The following SEC62 variants were observed in gnomAD, a reference collection of about 807,000 sequenced individuals.
SEC62 encodes SEC62 preprotein translocation factor.
SEC62 carries 10 observed loss-of-function variants against 47.5 expected under a neutral mutation model. That is an observed-to-expected ratio of 0.21 (90% CI 0.13 to 0.36). The LOEUF is 0.36. Among genes scored for constraint, SEC62 ranks in the 10% least tolerant of loss-of-function variants. The probability of loss-of-function intolerance (pLI) is 1.00; values close to 1 mark genes in which losing one functional copy is unlikely to be tolerated. For missense variants in SEC62, 327 were observed against 464.1 expected (o/e 0.70, Z 2.71); for synonymous variants, 136 against 150.5 (o/e 0.90, Z 0.71).
chr3:169,975,999 AAG>A (rs1197702433), intron 2 of SEC62, among the ~76,000 whole-genome samples: 5 of 152,232 alleles, frequency 3.3e-5, no homozygotes, highest in Non-Finnish European at 7.3e-5. Context: ...ACTTGGAACT[AAG>A]AGCACTGGCT....
chr3:169,969,246 A>T (rs1258533120), intron 1 of SEC62: 2 of 327,630 alleles, frequency 6.1e-6, no homozygotes, highest in Middle Eastern at 4.1e-4. Context: ...GTTCAGGGTT[A>T]AAAAAAAAAG....
chr3:169,992,648 T>C lies in SEC62; in HGVS notation c.785T>C (p.Phe262Ser). 6.2e-7 allele frequency: 1 copy of C among 1,614,164 alleles called. No individual in the cohort carries two copies. The highest frequency in any genetic ancestry group is 8.5e-7 in the Non-Finnish European group (1 of 1,180,024). ...CTCATAACTGGAGGAAGGCACCACT[T>C]TTGGTTCTTGCCAAATCTGACTGCT... ...IWLITGGRHH[F>S]WFLPNLTADV... Residue 262 changes from phenylalanine to serine, a missense_variant, in exon 8 of 8, where the codon TTT becomes TCT. Physicochemically the swap from Phe to Ser is radical, Grantham distance 155. Coordinates refer to ENST00000337002, the MANE Select transcript of SEC62 (RefSeq NM_003262.4). The surrounding 1 kb of genome is among the most constrained non-coding windows in gnomAD (Gnocchi z 4.0).
At chr3:169,985,721 A>G (rs1715089088) in intron 5 of SEC62, 84 bp from the exon 6 acceptor site, 2 of 1,047,466 alleles carry the variant, frequency 1.9e-6, no homozygotes, top group Non-Finnish European at 2.8e-6. Flanking sequence ...TGACTGCTTT[A>G]AGGGACCTAA....
intron 3 of SEC62, among the ~76,000 whole-genome samples, chr3:169,978,172 G>A (rs918626589): frequency 2.3e-4 from 35 of 152,014 alleles, no homozygotes; most frequent in African/African-American, 7.0e-4. Flanking sequence ...CCAGCTACTC[G>A]GGAGGCTGAG....
At chr3:169,981,301 C>A (rs1410832950) in intron 3 of SEC62, among the ~76,000 whole-genome samples, 1 of 152,194 alleles carries the variant, frequency 6.6e-6, no homozygotes, top group Non-Finnish European at 1.5e-5. Flanking sequence ...TGGAAGTGCT[C>A]ATAGGCTGGA....
At chr3:169,991,935 T>C (rs916798686) in intron 7 of SEC62, among the ~76,000 whole-genome samples, 2 of 152,340 alleles carry the variant, frequency 1.3e-5, no homozygotes, top group Non-Finnish European at 2.9e-5. Flanking sequence ...TTTATACAGA[T>C]GTACAGAAAA....
intron 1 of SEC62, chr3:169,968,252 T>G (rs1714605714): frequency 2.0e-5 from 3 of 152,344 alleles, no homozygotes; most frequent in African/African-American, 7.2e-5. Flanking sequence ...GATTTACACT[T>G]GACAGTACAA....
At chr3:169,969,743 A>G (rs1714648536) in intron 1 of SEC62, among the ~76,000 whole-genome samples, 1 of 152,218 alleles carries the variant, frequency 6.6e-6, no homozygotes, top group African/African-American at 2.4e-5. Flanking sequence ...TTGCTTTGAA[A>G]TACTTTAATC....
chr3:169,987,483 C>T (rs1467654441), intron 6 of SEC62, among the ~76,000 whole-genome samples: 2 of 152,066 alleles, frequency 1.3e-5, no homozygotes, highest in Non-Finnish European at 2.9e-5. Context: ...AGATATTTTG[C>T]GTACAATATA....
At chr3:169,969,804 T>C (rs906405207) in intron 1 of SEC62, among the ~76,000 whole-genome samples, 23 of 152,254 alleles carry the variant, frequency 1.5e-4, no homozygotes, top group Non-Finnish European at 2.2e-4. Context: ...ACATGACTTG[T>C]CCTTGCTAAA....
Position 169,992,867 on chromosome 3 carries a change from C to G in SEC62, c.1004C>G (p.Ser335Trp), listed in dbSNP as rs779259601. The part of the protein sequence containing the change: ...VGPGNHGTEG[S>W]GGERHSDTDS... Reference sequence around the variant, plus strand: ...CCAGGAAATCATGGAACAGAAGGCTCGGGGGGAGAACGGCATTCAGACACG... The same window carrying G: ...CCAGGAAATCATGGAACAGAAGGCTGGGGGGGAGAACGGCATTCAGACACG... The change falls in exon 8 of 8, where the codon TCG becomes TGG. Residue 335 changes from serine to tryptophan, a missense_variant. By Grantham distance (177) the Ser-to-Trp change is radical. Transcript: ENST00000337002. The surrounding 1 kb of genome is among the most constrained non-coding windows in gnomAD (Gnocchi z 4.0). 7 of 1,613,684 alleles carry G rather than the reference C, an allele frequency of 4.3e-6. No homozygotes were observed. Among genetic ancestry groups the G allele is most frequent in the Non-Finnish European group, 5.9e-6 (7 of 1,179,966 alleles).
At position 169,994,263 on chromosome 3, in the gene SEC62, ACT is replaced by A. The variant is rs1715319133; in HGVS notation, c.*1203_*1204del. 6.6e-6 allele frequency: 1 copy of A among 152,516 alleles called. No individual in the cohort carries two copies. Among genetic ancestry groups the A allele is most frequent in the Non-Finnish European group, 1.5e-5 (1 of 68,010 alleles). 9.4% of individuals were successfully genotyped at this position (152,516 alleles called of 1,614,324 possible). On this transcript the variant is annotated 3_prime_UTR_variant, in exon 8 of 8. Coordinates refer to ENST00000337002, the MANE Select transcript of SEC62 (RefSeq NM_003262.4). ...ACATCTTAGTTACAAGTCTTTGGAA[ACT>A]CTTGTTTACTTATGAGCATAATCAT... is the stretch of plus-strand genomic sequence containing the variant.
At chr3:169,969,722 TA>T (rs1036305987) in intron 1 of SEC62, among the ~76,000 whole-genome samples, 9 of 152,204 alleles carry the variant, frequency 5.9e-5, no homozygotes, top group Non-Finnish European at 1.2e-4. Context: ...TCACAATAGA[TA>T]AAAAATAAGT....
At position 169,983,272 on chromosome 3, in the gene SEC62, CTA is replaced by C. The variant is rs1715024637; in HGVS notation, c.549+20_549+21del. The C allele has an allele frequency of 1.3e-6, 2 of 1,548,038 alleles. No individual in the cohort carries two copies. The highest frequency in any genetic ancestry group is 1.8e-6 in the Non-Finnish European group (2 of 1,138,928). Reference sequence around the variant, plus strand: ...AAATGAGGTGAGAGTAAGCCTATAACTAGAAGTTCAGTTTTCTATAGGAGTTT... The same window carrying C: ...AAATGAGGTGAGAGTAAGCCTATAACGAAGTTCAGTTTTCTATAGGAGTTT... On this transcript the variant is annotated intron_variant, in intron 5 of 7. Transcript: ENST00000337002.
Position 169,996,278 on chromosome 3 carries a change from T to A in SEC62, c.*3215T>A, listed in dbSNP as rs776177847. The A allele has an allele frequency of 4.6e-5, 7 of 152,646 alleles. No homozygotes were observed. Among genetic ancestry groups the A allele is most frequent in the Non-Finnish European group, 1.0e-4 (7 of 68,028 alleles). 9.5% of individuals were successfully genotyped at this position (152,646 alleles called of 1,614,324 possible). A position where few individuals can be genotyped will look rare whatever the true frequency, so the allele number is the denominator to read the frequency against. ...TTATTGCTGAATCATGCTCCAGTAT[T>A]TGAGTGATGTTTTAAATATCCTATG... On this transcript the variant is annotated 3_prime_UTR_variant, in exon 8 of 8. Transcript: ENST00000337002.
chr3:169,989,952 T>C, intron 7 of SEC62, among the ~76,000 whole-genome samples: 1 of 148,226 alleles, frequency 6.7e-6, no homozygotes, highest in South Asian at 2.1e-4. Flanking sequence ...TCGCATATAA[T>C]ATATATCATG....
At chr3:169,968,748 T>C (rs1714618462) in intron 1 of SEC62, among the ~76,000 whole-genome samples, 1 of 152,214 alleles carries the variant, frequency 6.6e-6, no homozygotes, top group African/African-American at 2.4e-5. Flanking sequence ...TTAACAACCC[T>C]CTATTCAGTA....
intron 6 of SEC62, among the ~76,000 whole-genome samples, chr3:169,987,893 C>T (rs1559967362): frequency 6.6e-6 from 1 of 152,100 alleles, no homozygotes; most frequent in Non-Finnish European, 1.5e-5. Context: ...AGCTCCCTTA[C>T]TTAGTAGGCA....
At chr3:169,978,376 A>C (rs1273750819) in intron 3 of SEC62, among the ~76,000 whole-genome samples, 25 of 152,172 alleles carry the variant, frequency 1.6e-4, no homozygotes, top group Admixed American at 1.6e-3. Context: ...TATCCAGGGC[A>C]ACTTGAATCT....
Sources: gnomAD v4.1 joint callset for allele counts (sites outside exome capture counted in the v4.1 genomes callset) on GRCh38, gnomAD v4.1.1 for gene constraint, Gnocchi (gnomAD v3.1) non-coding constraint, MANE v1.5 for transcripts, NCBI Gene and HGNC (gene_info 2026-07-23, HGNC 2026-07-21) for gene names.